Variants in KAZN observed in about 807,000 individuals in gnomAD.
The protein encoded by KAZN is kazrin, periplakin interacting protein.
Under a neutral mutation model 87.4 loss-of-function variants are expected in KAZN, and 40 were observed. The observed-to-expected ratio is 0.46, with a 90% CI of 0.36 to 0.60. The LOEUF (loss-of-function observed/expected upper bound fraction) is 0.60. Ranked by LOEUF, KAZN falls within the 20% of genes least tolerant of loss-of-function variation. KAZN has a pLI of 0.00. For synonymous variants in KAZN, 466 were observed against 458.3 expected (o/e 1.02, Z -0.22); for missense variants, 898 against 1,073.9 (o/e 0.84, Z 2.29).
chr1:14,151,662 C>T lies in KAZN; in HGVS notation c.92-28773C>T, dbSNP rs114656395. On this transcript the variant is annotated intron_variant, in intron 1 of 16. Transcript: ENST00000636203. ...CAGTGATATCTAAGGACCAGTGTTC[C>T]CAAACTCTTAGCACCCAGAGAAAGT... 1.6e-3 allele frequency among the ~76,000 whole-genome samples: 245 copies of T among 152,260 alleles called. 1 individual carries two copies. The highest frequency in any genetic ancestry group is 5.7e-3 in the African/African-American group (237 of 41,536).
intron 1 of KAZN, among the ~76,000 whole-genome samples, chr1:13,933,024 A>G (rs1410921096): frequency 6.6e-6 from 1 of 152,188 alleles, no homozygotes; most frequent in Non-Finnish European, 1.5e-5. Flanking sequence ...ATTTCCCCGA[A>G]TGTTAATATC....
intron 1 of KAZN, among the ~76,000 whole-genome samples, chr1:14,711,629 C>T (rs1182574720): frequency 6.6e-6 from 1 of 152,142 alleles, no homozygotes; most frequent in African/African-American, 2.4e-5. Flanking sequence ...CACTTGCTCC[C>T]GTCGATGAAG....
intron 2 of KAZN, among the ~76,000 whole-genome samples, chr1:14,492,736 AG>A (rs1374813223): frequency 2.7e-5 from 3 of 110,364 alleles, no homozygotes; most frequent in African/African-American, 7.0e-5. Flanking sequence ...CACCACATAC[AG>A]CACACACACC....
chr1:14,446,580 C>T (rs1023958903), intron 2 of KAZN, among the ~76,000 whole-genome samples: 6 of 152,170 alleles, frequency 3.9e-5, no homozygotes, highest in East Asian at 1.9e-4. Context: ...GGGTTGGCAG[C>T]GGTGGTGGTC....
chr1:14,510,553 C>G (rs1001342172), intron 2 of KAZN, among the ~76,000 whole-genome samples: 1 of 152,134 alleles, frequency 6.6e-6, no homozygotes, highest in Non-Finnish European at 1.5e-5. Context: ...TTTGCTAAAT[C>G]TGGCAATGCT....
chr1:14,358,272 G>A (rs895503262), intron 2 of KAZN, among the ~76,000 whole-genome samples: 2 of 126,850 alleles, frequency 1.6e-5, no homozygotes, highest in Non-Finnish European at 3.5e-5. Flanking sequence ...GATACCCCCT[G>A]TTTCATTTCT....
At chr1:14,508,210 G>A (rs1441497441) in intron 2 of KAZN, among the ~76,000 whole-genome samples, 1 of 152,082 alleles carries the variant, frequency 6.6e-6, no homozygotes, top group Non-Finnish European at 1.5e-5. Context: ...AGGTATGTTC[G>A]TGCAAAGCCA....
At position 14,511,067 on chromosome 1, in the gene KAZN, A is replaced by G. The variant is rs1670874408; in HGVS notation, c.250-87916A>G. 2.0e-5 allele frequency among the ~76,000 whole-genome samples: 3 copies of G among 151,218 alleles called. No homozygotes were observed. The South Asian group carries it at 6.3e-4, about 32-fold the overall frequency. ...TTCACCAATACTGTACAAGTTGACC[A>G]CTTACATTATTAACACCATGGGCTT... On this transcript the variant is annotated intron_variant, in intron 2 of 16. Transcript: ENST00000636203.
intron 1 of KAZN, among the ~76,000 whole-genome samples, chr1:14,934,550 T>G (rs1660231615): frequency 6.6e-6 from 1 of 152,212 alleles, no homozygotes; most frequent in Non-Finnish European, 1.5e-5. Context: ...CCAGGACCAC[T>G]CCTTGCCCTG....
In KAZN at chr1:14,213,809, G is replaced by C. The variant is rs555392808; in HGVS notation, c.249+33217G>C. Among the ~76,000 whole-genome samples, 121 of 152,306 alleles carry C rather than the reference G, an allele frequency of 7.9e-4. 2 individuals carry two copies. In the South Asian group the frequency reaches 0.023, roughly 29 times the overall value. On this transcript the variant is annotated intron_variant, in intron 2 of 16. Transcript: ENST00000636203. Reference sequence around the variant, plus strand: ...GGGGTCTAGTTATGAGGCTACCTGTGGTGGCCCAGAGGACAGCTGGTAGTG... The same window carrying C: ...GGGGTCTAGTTATGAGGCTACCTGTCGTGGCCCAGAGGACAGCTGGTAGTG...
Position 14,936,107 on chromosome 1 carries a change from G to A in KAZN, c.227-24577G>A, listed in dbSNP as rs990082026. On this transcript the variant is annotated intron_variant, in intron 1 of 14. Coordinates refer to ENST00000376030, the MANE Select transcript of KAZN (RefSeq NM_201628.3). ...TGTCTCTCCAGTGTGTGGAAAGGCA[G>A]GGGAGGTGACGGGCAGAACATCAAC... 3.6e-4 allele frequency among the ~76,000 whole-genome samples: 55 copies of A among 152,252 alleles called. 2 individuals are homozygous for A. Among genetic ancestry groups the A allele is most frequent in the Admixed American group, 6.5e-5 (1 of 15,290 alleles).
Position 15,103,345 on chromosome 1 carries a change from T to G in KAZN, c.1780-14T>G. On this transcript the variant is annotated splice_polypyrimidine_tract_variant and intron_variant, in intron 11 of 14. Coordinates refer to ENST00000376030, the MANE Select transcript of KAZN (RefSeq NM_201628.3). ...CCCCTTGTCCCTCCGAATGACCCAC[T>G]GTCTCCCCACAAGGCCCTCCAGGAG... 6.5e-7 allele frequency: 1 copy of G among 1,547,906 alleles called. No individual in the cohort carries two copies. Among genetic ancestry groups the G allele is most frequent in the Non-Finnish European group, 8.7e-7 (1 of 1,144,416 alleles).
At chr1:13,918,736 C>T (rs912943243) in intron 1 of KAZN, among the ~76,000 whole-genome samples, 1 of 152,248 alleles carries the variant, frequency 6.6e-6, no homozygotes, top group African/African-American at 2.4e-5. Flanking sequence ...GCAACCACCA[C>T]CCTGATCAGT....
intron 2 of KAZN, among the ~76,000 whole-genome samples, chr1:14,238,033 A>AT (rs1217935758): frequency 6.6e-6 from 1 of 152,142 alleles, no homozygotes; most frequent in Non-Finnish European, 1.5e-5. Context: ...TTTCAATGAC[A>AT]TTTTTTAACA....
chr1:14,169,836 G>A (rs1296097090), intron 1 of KAZN, among the ~76,000 whole-genome samples: 2 of 152,270 alleles, frequency 1.3e-5, no homozygotes, highest in South Asian at 2.1e-4. Context: ...ATGTGACAGA[G>A]AGAAAAGTGA....
intron 2 of KAZN, among the ~76,000 whole-genome samples, chr1:14,451,770 T>G (rs1174318185): frequency 6.6e-6 from 1 of 152,098 alleles, no homozygotes; most frequent in Non-Finnish European, 1.5e-5. Context: ...CCAGAAGAGC[T>G]GATGATGGTG....
rs12738187 is a variant in KAZN at position 14,901,845 on chromosome 1, A to G, written c.227-58839A>G. Among the ~76,000 whole-genome samples the G allele has an allele frequency of 8.8e-3, 1,337 of 152,300 alleles. 10 individuals carry two copies. The highest frequency in any genetic ancestry group is 0.015 in the Non-Finnish European group (997 of 68,016). On this transcript the variant is annotated intron_variant, in intron 1 of 14. Coordinates refer to ENST00000376030, the MANE Select transcript of KAZN (RefSeq NM_201628.3). ...AGGGTTCCGCCTCTGTCTTTCTCCC[A>G]GAAGCCAAGGGTCAGATGCTGATAT...
chr1:14,506,083 G>A (rs767824512), intron 2 of KAZN, among the ~76,000 whole-genome samples: 1 of 152,130 alleles, frequency 6.6e-6, no homozygotes, highest in African/African-American at 2.4e-5. Context: ...CAAATCTTAT[G>A]TATATTTTAC....
chr1:14,774,735 G>A lies in KAZN; in HGVS notation c.226+175512G>A, dbSNP rs144587053. On this transcript the variant is annotated intron_variant, in intron 1 of 14. Coordinates refer to ENST00000376030, the MANE Select transcript of KAZN (RefSeq NM_201628.3). ...CCTGACCTCAAGTGATCCTCCCACCGTGGCCTCCCAAAGTGCTGGGACTGC... is the reference window on the plus strand; with the variant it reads ...CCTGACCTCAAGTGATCCTCCCACCATGGCCTCCCAAAGTGCTGGGACTGC... Among the ~76,000 whole-genome samples the A allele has an allele frequency of 6.2e-3, 942 of 152,150 alleles. 8 individuals are homozygous for A. Among genetic ancestry groups the A allele is most frequent in the South Asian group, 0.035 (168 of 4,816 alleles).
Sources: gnomAD v4.1 joint callset for allele counts (sites outside exome capture counted in the v4.1 genomes callset) on GRCh38, gnomAD v4.1.1 for gene constraint, MANE v1.5 for transcripts, NCBI Gene and HGNC (gene_info 2026-07-23, HGNC 2026-07-21) for gene names.